Variants in ANK3 observed in about 807,000 individuals in gnomAD.
The protein encoded by ANK3 is ankyrin 3, also known as ankyrin-3.
ANK3 carries 57 observed loss-of-function variants against 370.9 expected under a neutral mutation model. That is an observed-to-expected ratio of 0.15 (90% CI 0.12 to 0.19). ANK3 has a LOEUF of 0.19. ANK3 is among the 10% of genes least tolerant of loss of function. The pLI is 1.00. For synonymous variants in ANK3, 1,929 were observed against 1,946.3 expected (o/e 0.99, Z 0.23); for missense variants, 4,439 against 5,302.1 (o/e 0.84, Z 5.06).
At chr10:60,590,864 G>A (rs911092001) in intron 2 of ANK3, among the ~76,000 whole-genome samples, 2 of 152,090 alleles carry the variant, frequency 1.3e-5, no homozygotes, top group Non-Finnish European at 2.9e-5. Context: ...TTTTATTGTT[G>A]TATTGTTATT....
Position 60,075,380 on chromosome 10 carries a change from G to C in ANK3, c.5501C>G (p.Pro1834Arg). ...VYSVVNVLPEPALKKLPDSNS... is the reference protein window; with the variant it reads ...VYSVVNVLPERALKKLPDSNS... ...AGAGTCTGGAAGTTTCTTTAATGCT[G>C]GTTCTGGCAAAACATTGACTACAGA... Residue 1834 changes from proline to arginine, a missense_variant, in exon 37 of 44, where the codon CCA (proline) becomes CGA (arginine). Physicochemically the swap from Pro to Arg is moderately radical, Grantham distance 103. Transcript: ENST00000280772. 6.2e-7 allele frequency: 1 copy of C among 1,614,012 alleles called. No individual in the cohort carries two copies. Among genetic ancestry groups the C allele is most frequent in the Non-Finnish European group, 8.5e-7 (1 of 1,180,000 alleles).
chr10:60,569,860 G>T (rs2077549704), intron 2 of ANK3, among the ~76,000 whole-genome samples: 1 of 152,022 alleles, frequency 6.6e-6, no homozygotes, highest in Admixed American at 6.5e-5. Context: ...GAAATATTTT[G>T]AATGCTTGGG....
chr10:60,263,637 C>T (rs960534733), intron 6 of ANK3, among the ~76,000 whole-genome samples, 198 bp downstream of exon 6: 14 of 152,146 alleles, frequency 9.2e-5, no homozygotes, highest in Non-Finnish European at 8.8e-5. Context: ...CGCATAGGGC[C>T]GCATTCCCCT....
chr10:60,668,152 G>A (rs1346452866), intron 1 of ANK3, among the ~76,000 whole-genome samples: 1 of 151,476 alleles, frequency 6.6e-6, no homozygotes, highest in Admixed American at 6.6e-5. Context: ...GGAAAAGAAG[G>A]AGGAAACTCA....
At position 60,075,154 on chromosome 10, in the gene ANK3, T is replaced by C. The variant is rs1253223357; in HGVS notation, c.5727A>G (p.Lys1909=). Residue 1909 remains lysine (K), a synonymous_variant, in exon 37 of 44, where the codon AAA becomes AAG. Coordinates refer to ENST00000280772, the MANE Select transcript of ANK3 (RefSeq NM_020987.5). The part of the protein sequence containing the change: ...QEILKDVAEM[K]EDLMRMTAIL... ...TTGCGGTCATCCGCATTAGGTCCTC[T>C]TTCATTTCAGCTACATCTTTTAGTA... 1.2e-6 allele frequency: 2 copies of C among 1,614,170 alleles called. No homozygotes were observed. The highest frequency in any genetic ancestry group is 1.1e-5 in the South Asian group (1 of 91,092).
At position 60,270,249 on chromosome 10, in the gene ANK3, AT is replaced by A. The variant is rs1452242377; in HGVS notation, c.415-21del. ...ACCATTCTGCAAAATAAGAAAAAAA[AT>A]GTTTGTCTGCAGCTTTCCAGAGACA... On this transcript the variant is annotated intron_variant, in intron 4 of 43. Coordinates refer to ENST00000280772, the MANE Select transcript of ANK3 (RefSeq NM_020987.5). 3 of 1,542,704 alleles carry A rather than the reference AT, an allele frequency of 1.9e-6. No homozygotes were observed. Among genetic ancestry groups the A allele is most frequent in the African/African-American group, 2.8e-5 (2 of 72,200 alleles).
At chr10:60,181,237 G>T (rs964540156) in intron 18 of ANK3, 92 bp downstream of exon 18, 1 of 1,094,584 alleles carries the variant, frequency 9.1e-7, no homozygotes, top group Non-Finnish European at 1.4e-6. Flanking sequence ...ATGATTAAAG[G>T]GTTTGTTCTC....
chr10:60,572,776 A>G (rs1469390837), intron 2 of ANK3: 1 of 1,253,544 alleles, frequency 8.0e-7, no homozygotes, highest in Non-Finnish European at 1.0e-6. Context: ...TTATTCTTCT[A>G]AAGAAAATCA....
chr10:60,667,055 TA>T (rs35468330), intron 1 of ANK3, among the ~76,000 whole-genome samples: 2 of 151,526 alleles, frequency 1.3e-5, no homozygotes, highest in African/African-American at 2.4e-5. Context: ...TACACTACTG[TA>T]AAAAAAATTG....
At position 60,075,995 on chromosome 10, in the gene ANK3, G is replaced by A. The variant is rs1364092696; in HGVS notation, c.4886C>T (p.Thr1629Ile). The A allele has an allele frequency of 6.2e-7, 1 of 1,614,192 alleles. No homozygotes were observed. Among genetic ancestry groups the A allele is most frequent in the Non-Finnish European group, 8.5e-7 (1 of 1,180,010 alleles). ...TGACCTCTCCAAAAGAGACCCTGCT[G>A]TAGTCACTGGAGAGGTTCGAGAGGA... ...TFSSRTSPVT[T>I]AGSLLERSSI... Residue 1629 changes from threonine to isoleucine, a missense_variant, in exon 37 of 44, where the codon ACA becomes ATA. By Grantham distance (89) the Thr-to-Ile change is moderately conservative. Coordinates refer to ENST00000280772, the MANE Select transcript of ANK3 (RefSeq NM_020987.5).
intron 24 of ANK3, among the ~76,000 whole-genome samples, chr10:60,135,841 T>C (rs2094318182): frequency 6.6e-6 from 1 of 152,028 alleles, no homozygotes; most frequent in Admixed American, 6.6e-5. Flanking sequence ...TCATTCTAAG[T>C]GTCTACACAG....
intron 2 of ANK3, among the ~76,000 whole-genome samples, chr10:60,588,779 G>A (rs991409659): frequency 4.6e-5 from 7 of 152,016 alleles, no homozygotes; most frequent in African/African-American, 1.7e-4. Context: ...GCATGGTTGT[G>A]CATGCCTATA....
chr10:60,250,981 T>C (rs765882687), intron 7 of ANK3, among the ~76,000 whole-genome samples: 46 of 152,326 alleles, frequency 3.0e-4, no homozygotes, highest in African/African-American at 1.1e-3. Context: ...TATTATGAAC[T>C]ACACAGTTTT....
At chr10:60,291,038 C>T (rs1398577569) in intron 1 of ANK3, among the ~76,000 whole-genome samples, 1 of 151,934 alleles carries the variant, frequency 6.6e-6, no homozygotes, top group Non-Finnish European at 1.5e-5. Flanking sequence ...AGAATTCAGA[C>T]CCCTAAAAAT....
At chr10:60,203,779 G>T (rs910189344) in intron 11 of ANK3, among the ~76,000 whole-genome samples, 3 of 152,130 alleles carry the variant, frequency 2.0e-5, no homozygotes, top group Non-Finnish European at 4.4e-5. Flanking sequence ...ACTCTTCAGC[G>T]TAAAGCAGAA....
chr10:60,316,920 G>A (rs2047566946), intron 1 of ANK3, among the ~76,000 whole-genome samples: 2 of 151,902 alleles, frequency 1.3e-5, no homozygotes, highest in Admixed American at 1.3e-4. Flanking sequence ...CTAATTTTTT[G>A]TATTTTTAGT....
intron 2 of ANK3, among the ~76,000 whole-genome samples, chr10:60,536,882 T>C (rs2076736846): frequency 6.6e-6 from 1 of 152,050 alleles, no homozygotes; most frequent in African/African-American, 2.4e-5. Flanking sequence ...ATTTTATTTA[T>C]GCGAGAATAA....
intron 2 of ANK3, among the ~76,000 whole-genome samples, chr10:60,499,083 C>T (rs2075731238): frequency 1.3e-5 from 2 of 152,132 alleles, no homozygotes; most frequent in Non-Finnish European, 2.9e-5. Context: ...ATTATATTGT[C>T]CTCCAGGATG....
chr10:60,187,138 A>ATTTTATTTTAT (rs2096361214), intron 16 of ANK3, among the ~76,000 whole-genome samples: 1 of 106,388 alleles, frequency 9.4e-6, no homozygotes, highest in African/African-American at 6.4e-5. Flanking sequence ...CATTTTATTT[A>ATTTTATTTTAT]TTTTATTTTA....
Sources: gnomAD v4.1 joint callset for allele counts (sites outside exome capture counted in the v4.1 genomes callset) on GRCh38, gnomAD v4.1.1 for gene constraint, MANE v1.5 for transcripts, NCBI Gene and HGNC (gene_info 2026-07-23, HGNC 2026-07-21) for gene names.